Variants in AP2A1 observed in about 807,000 individuals in gnomAD.
AP2A1 encodes the protein AP-2 complex subunit alpha-1.
AP2A1 carries 21 observed loss-of-function variants against 107.3 expected under a neutral mutation model. The ratio of observed to expected loss-of-function variants is 0.20; its 90% CI spans 0.14 to 0.28. The LOEUF is 0.28. AP2A1 is among the 10% of genes least tolerant of loss of function. The pLI is 1.00. For missense variants in AP2A1, 873 were observed against 1,307.7 expected (o/e 0.67, Z 5.13); for synonymous variants, 602 against 564.8 (o/e 1.07, Z -0.93).
Position 49,780,540 on chromosome 19 carries a change from C to T in AP2A1, c.68-1217C>T, listed in dbSNP as rs565064416. 2.1e-3 allele frequency among the ~76,000 whole-genome samples: 313 copies of T among 152,170 alleles called. 1 individual carries two copies. Among genetic ancestry groups the T allele is most frequent in the Non-Finnish European group, 3.3e-3 (223 of 68,012 alleles). ...GGGTTGCTGTGACAGGGGCAGAGGA[C>T]TTGATGGGCCGTGGAGTGGAGCACC... On this transcript the variant is annotated intron_variant, in intron 1 of 22. Coordinates refer to ENST00000354293, the MANE Select transcript of AP2A1 (RefSeq NM_130787.3).
chr19:49,806,956 T>G lies in AP2A1; in HGVS notation c.*198T>G. 6.5e-7 allele frequency: 1 copy of G among 1,530,064 alleles called. No homozygotes were observed. The allele number at this position is 1,530,064 out of a possible 1,614,324, so 94.8% of individuals were successfully genotyped here. On this transcript the variant is annotated 3_prime_UTR_variant, in exon 23 of 23. Transcript: ENST00000354293. ...TTACATTCTGGGGGGTTAGGGGGAG[T>G]CCCCCTCCCTCCCTTTCCCCCCCAA...
intron 7 of AP2A1, chr19:49,796,095 G>A (rs573748304): frequency 3.7e-6 from 1 of 267,786 alleles, no homozygotes; most frequent in East Asian, 9.4e-5. Context: ...GTCAGTGGGT[G>A]ATTCCAGGCC....
At chr19:49,790,093 C>T (rs986113524) in intron 4 of AP2A1, among the ~76,000 whole-genome samples, 3 of 152,174 alleles carry the variant, frequency 2.0e-5, no homozygotes, top group Admixed American at 6.5e-5. Flanking sequence ...TTCTGGATGT[C>T]GGAAGTCCAA....
rs748724506 is a variant in AP2A1, at chr19:49,805,481, G to T, written c.2373G>T (p.Ala791=). 3.9e-6 allele frequency: 6 copies of T among 1,552,178 alleles called. No individual in the cohort carries two copies. The highest frequency in any genetic ancestry group is 2.0e-5 in the Admixed American group (1 of 51,224). ...TGGCTGTGCAGACCAAGCGCGTGGC[G>T]GCGCAGGTGGACGGCGGCGCGCAGG... ...TQLAVQTKRV[A]AQVDGGAQVQ... is the part of the protein sequence containing the mutation. Residue 791 remains alanine, a synonymous_variant, in exon 19 of 23, where the codon GCG becomes GCT. Transcript: ENST00000354293.
In AP2A1 at chr19:49,792,031, G is replaced by A. The variant is rs546856843; in HGVS notation, c.570G>A (p.Ala190=). 1.7e-5 allele frequency: 28 copies of A among 1,612,646 alleles called. No homozygotes were observed. The South Asian group carries it at 1.9e-4, about 11-fold the overall frequency. Residue 190 remains alanine, a synonymous_variant, in exon 5 of 23, where the codon GCG becomes GCA. Transcript: ENST00000354293. ...TGGTGCCCATGGGCGAGTGGACGGCGCGTGTGGTACACCTGCTCAATGACC... is the reference window on the plus strand; with the variant it reads ...TGGTGCCCATGGGCGAGTGGACGGCACGTGTGGTACACCTGCTCAATGACC... The part of the protein sequence containing the change: ...PDLVPMGEWT[A]RVVHLLNDQH...
intron 2 of AP2A1, 46 bp from the exon 3 acceptor site, chr19:49,781,901 A>T (rs2084680663): frequency 6.3e-7 from 1 of 1,592,300 alleles, no homozygotes; most frequent in Non-Finnish European, 8.6e-7. Context: ...CTATCCTGTG[A>T]CCCTTCCTTA....
Position 49,807,066 on chromosome 19 carries a change from T to C in AP2A1, c.*308T>C. ...TGTAGCCCCTCCTACCCCCTCCCCATCCAGGGGCTGTGTATTATTGTGAGC... is the reference window on the plus strand; with the variant it reads ...TGTAGCCCCTCCTACCCCCTCCCCACCCAGGGGCTGTGTATTATTGTGAGC... On this transcript the variant is annotated 3_prime_UTR_variant, in exon 23 of 23. Coordinates refer to ENST00000354293, the MANE Select transcript of AP2A1 (RefSeq NM_130787.3). The C allele has an allele frequency of 6.6e-6, 8 of 1,218,394 alleles. No individual in the cohort carries two copies. The highest frequency in any genetic ancestry group is 8.7e-6 in the Non-Finnish European group (8 of 917,220). The allele number at this position is 1,218,394 out of a possible 1,614,324, so 75.5% of individuals were successfully genotyped here.
In AP2A1 at chr19:49,802,135, T is replaced by C. The variant is rs768902515; in HGVS notation, c.2108T>C (p.Phe703Ser). The change falls in exon 15 of 23, where the codon TTC becomes TCC. Residue 703 changes from phenylalanine to serine, a missense_variant. By Grantham distance (155) the Phe-to-Ser change is radical. This residue lies in a region of AP2A1 where 416 missense variants were observed against 473.4 expected (regional missense o/e 0.88). Coordinates refer to ENST00000354293, the MANE Select transcript of AP2A1 (RefSeq NM_130787.3). ...CTGGGGCCCACCCCCGAGGAGGCCT[T>C]CCTCAGGTAGCACCCCCTGGGCCCG... ...PSLGPTPEEA[F>S]LSPGPEDIGP... is the part of the protein sequence containing the mutation. The C allele has an allele frequency of 5.1e-6, 8 of 1,564,672 alleles. No individual in the cohort carries two copies. In the African/African-American group the frequency reaches 9.5e-5, roughly 18 times the overall value.
Position 49,781,832 on chromosome 19 carries a change from T to G in AP2A1, c.136+7T>G, listed in dbSNP as rs1482255673. On this transcript the variant is annotated splice_region_variant and intron_variant, in intron 2 of 22. Transcript: ENST00000354293. ...ATCCGCTCCAAGTTCAAAGGTAGGC[T>G]GGGGGCCCAACTTCTGGTTCTGAGG... 2 of 1,610,670 alleles carry G rather than the reference T, an allele frequency of 1.2e-6. No homozygotes were observed. The highest frequency in any genetic ancestry group is 1.7e-5 in the Admixed American group (1 of 59,396).
Position 49,801,964 on chromosome 19 carries a change from A to C in AP2A1, c.1954-17A>C. Reference sequence around the variant, plus strand: ...CCGGGCGCCGCCTGTCCTCACCGTGACCTGCGCTTCCTACAGTCGACGCCC... The same window carrying C: ...CCGGGCGCCGCCTGTCCTCACCGTGCCCTGCGCTTCCTACAGTCGACGCCC... On this transcript the variant is annotated splice_polypyrimidine_tract_variant and intron_variant, in intron 14 of 22. Transcript: ENST00000354293. The C allele has an allele frequency of 1.4e-6, 2 of 1,478,752 alleles. No individual in the cohort carries two copies. Among genetic ancestry groups the C allele is most frequent in the African/African-American group, 1.4e-5 (1 of 70,862 alleles). The allele number at this position is 1,478,752 out of a possible 1,614,324, so 91.6% of individuals were successfully genotyped here.
rs1029500022 is a variant in AP2A1 at position 49,788,060 on chromosome 19, C to T, written c.474-3875C>T. On this transcript the variant is annotated intron_variant, in intron 4 of 22. Coordinates refer to ENST00000354293, the MANE Select transcript of AP2A1 (RefSeq NM_130787.3). The surrounding 1 kb of genome is among the most constrained non-coding windows in gnomAD (Gnocchi z 4.5). ...CTCCCAGGCTCAGGTGATCCTCCCA[C>T]GTCAGCCACTCCAGCAGCCGGGACT... 1.3e-5 allele frequency among the ~76,000 whole-genome samples: 2 copies of T among 152,172 alleles called. No individual in the cohort carries two copies. The highest frequency in any genetic ancestry group is 2.4e-5 in the African/African-American group (1 of 41,452).
chr19:49,774,282 A>G (rs2084594920), intron 1 of AP2A1, among the ~76,000 whole-genome samples: 1 of 152,150 alleles, frequency 6.6e-6, no homozygotes. Context: ...AAGCAGCCGT[A>G]CATCCCTGGC....
intron 4 of AP2A1, among the ~76,000 whole-genome samples, chr19:49,787,104 T>C (rs1339282636): frequency 6.6e-6 from 1 of 152,114 alleles, no homozygotes; most frequent in Non-Finnish European, 1.5e-5. Context: ...ACTCCTGGGC[T>C]GAAGCGATCT....
chr19:49,805,563 TC>T lies in AP2A1; in HGVS notation c.2457del (p.Val820CysfsTer14). On this transcript the variant is annotated frameshift_variant, in exon 19 of 23. Transcript: ENST00000354293. LOFTEE classifies it high-confidence loss of function. ...GGACTTCCTGACGCCCCCGCTGCTG[TC>T]CGTGCGCTTCCGGTGAGTCAGGTAC... Reference protein sequence around the residue: ...LRDFLTPPLLSVRFRYGGAPQ... With the variant: ...LRDFLTPPLLXVRFRYGGAPQ... 6.3e-7 allele frequency: 1 copy of T among 1,576,530 alleles called. No homozygotes were observed.
chr19:49,776,655 G>C (rs2084620465), intron 1 of AP2A1, among the ~76,000 whole-genome samples: 1 of 152,078 alleles, frequency 6.6e-6, no homozygotes, highest in Non-Finnish European at 1.5e-5. Context: ...TGAATGCCGG[G>C]TCATTCTTCC....
intron 4 of AP2A1, among the ~76,000 whole-genome samples, chr19:49,786,421 G>C (rs867565978): frequency 1.1e-4 from 17 of 152,364 alleles, no homozygotes; most frequent in Middle Eastern, 3.4e-3. Context: ...GTGTCTCTCA[G>C]TTTGGACTCG....
intron 15 of AP2A1, 48 bp downstream of exon 15, chr19:49,802,189 T>G (rs1489023808): frequency 6.8e-7 from 1 of 1,465,818 alleles, no homozygotes; most frequent in Admixed American, 2.0e-5. Flanking sequence ...CCCCCAGGGC[T>G]GTCCCTTCTC....
chr19:49,772,880 G>A (rs929483617), intron 1 of AP2A1, among the ~76,000 whole-genome samples: 17 of 151,880 alleles, frequency 1.1e-4, no homozygotes, highest in South Asian at 4.2e-4. Context: ...CTGGTGCAGA[G>A]AGGGATGGGA....
At chr19:49,771,483 A>T (rs947460196) in intron 1 of AP2A1, among the ~76,000 whole-genome samples, 3 of 151,250 alleles carry the variant, frequency 2.0e-5, no homozygotes, top group African/African-American at 7.3e-5. Context: ...ATCTTGGCTC[A>T]CTGCACCCTC....
Sources: gnomAD v4.1 joint callset for allele counts (sites outside exome capture counted in the v4.1 genomes callset) on GRCh38, gnomAD v4.1.1 for gene constraint, gnomAD v4.1.1 regional missense constraint, Gnocchi (gnomAD v3.1) non-coding constraint, MANE v1.5 for transcripts, NCBI Gene and HGNC (gene_info 2026-07-23, HGNC 2026-07-21) for gene names.